The following MRPS27 variants were observed in gnomAD, a reference collection of about 807,000 sequenced individuals.
MRPS27 encodes the protein mitochondrial ribosomal protein S27, also known as small ribosomal subunit protein mS27.
Under a neutral mutation model 48.9 loss-of-function variants are expected in MRPS27, and 43 were observed. The ratio of observed to expected loss-of-function variants is 0.88; its 90% confidence interval spans 0.69 to 1.13. The LOEUF is 1.13. MRPS27 is among the 50% of genes most tolerant of loss of function. The pLI is 0.00. For synonymous variants in MRPS27, 188 were observed against 171.9 expected (o/e 1.09, Z -0.73); for missense variants, 467 against 476.3 (o/e 0.98, Z 0.18).
chr5:72,243,995 A>G (rs923395122), intron 4 of MRPS27, among the ~76,000 whole-genome samples: 2 of 152,178 alleles, frequency 1.3e-5, no homozygotes, highest in African/African-American at 2.4e-5. Context: ...CCCTTTCCAG[A>G]TCTAGAGTTA....
At chr5:72,271,010 T>C (rs1749227618) in intron 4 of MRPS27, among the ~76,000 whole-genome samples, 1 of 152,168 alleles carries the variant, frequency 6.6e-6, no homozygotes, top group South Asian at 2.1e-4. Flanking sequence ...AGGGCATCTA[T>C]GAAAAACCTA....
At chr5:72,244,630 G>A (rs1173666473) in intron 4 of MRPS27, among the ~76,000 whole-genome samples, 1 of 152,030 alleles carries the variant, frequency 6.6e-6, no homozygotes, top group Non-Finnish European at 1.5e-5. Context: ...GCTCAGGCAT[G>A]GTGATCTATA....
chr5:72,256,855 T>C (rs1207146503), intron 4 of MRPS27, among the ~76,000 whole-genome samples: 1 of 152,222 alleles, frequency 6.6e-6, no homozygotes, highest in Non-Finnish European at 1.5e-5. Context: ...CTTTATAGCC[T>C]TATATATTGA....
chr5:72,221,026 C>T lies in MRPS27; in HGVS notation c.1128G>A (p.Glu376=), dbSNP rs754930454. ...TCEAEDIATY[E]QNLQQWHLDL... is the part of the protein sequence containing the mutation. Reference sequence around the variant, plus strand: ...CTAGATGCCACTGCTGCAGATTCTGCTCATAGGTGGCGATGTCCTCTGCTT... The same window carrying T: ...CTAGATGCCACTGCTGCAGATTCTGTTCATAGGTGGCGATGTCCTCTGCTT... The change falls in exon 11 of 11, where the codon GAG becomes GAA. Residue 376 remains glutamate, a synonymous_variant. Transcript: ENST00000261413. 6.2e-7 allele frequency: 1 copy of T among 1,614,194 alleles called. No homozygotes were observed. Among genetic ancestry groups the T allele is most frequent in the Non-Finnish European group, 8.5e-7 (1 of 1,180,032 alleles).
intron 9 of MRPS27, among the ~76,000 whole-genome samples, chr5:72,224,971 T>G (rs1747852671): frequency 6.6e-6 from 1 of 152,216 alleles, no homozygotes; most frequent in South Asian, 2.1e-4. Flanking sequence ...TTAATACCAC[T>G]AATACATCAC....
intron 2 of MRPS27, among the ~76,000 whole-genome samples, chr5:72,309,893 G>A (rs184002141): frequency 5.0e-4 from 76 of 152,306 alleles, no homozygotes; most frequent in Non-Finnish European, 1.0e-4. Flanking sequence ...ATATGTGGAA[G>A]TTGGTCTTGA....
intron 4 of MRPS27, among the ~76,000 whole-genome samples, chr5:72,267,913 T>C (rs1400685150): frequency 6.6e-6 from 1 of 152,074 alleles, no homozygotes. Context: ...TGCAGAATAC[T>C]TGGCCAAAAA....
At chr5:72,260,566 G>C (rs1748937869) in intron 4 of MRPS27, among the ~76,000 whole-genome samples, 1 of 152,190 alleles carries the variant, frequency 6.6e-6, no homozygotes, top group Admixed American at 6.6e-5. Flanking sequence ...AATGTGATCG[G>C]AAAAGGAAGA....
intron 5 of MRPS27, 79 bp from the exon 6 acceptor site, chr5:72,234,276 C>T (rs963542770): frequency 4.4e-6 from 5 of 1,145,540 alleles, no homozygotes; most frequent in Admixed American, 8.6e-5. Context: ...ATGTATTATT[C>T]AGAATAAAAC....
intron 4 of MRPS27, among the ~76,000 whole-genome samples, chr5:72,252,335 T>C (rs896071552): frequency 6.6e-6 from 1 of 152,220 alleles, no homozygotes; most frequent in African/African-American, 2.4e-5. Context: ...CTTGCTTTTT[T>C]TTTCTGAGCA....
intron 4 of MRPS27, among the ~76,000 whole-genome samples, chr5:72,284,700 C>T (rs1749624410): frequency 6.6e-6 from 1 of 152,146 alleles, no homozygotes; most frequent in Non-Finnish European, 1.5e-5. Context: ...TACATATATA[C>T]ACATAAGCAT....
intron 4 of MRPS27, among the ~76,000 whole-genome samples, chr5:72,290,705 G>A (rs1017773881): frequency 3.9e-5 from 6 of 152,192 alleles, no homozygotes; most frequent in Admixed American, 6.5e-5. Flanking sequence ...ACAAGAGGGC[G>A]TGTGGATAGG....
chr5:72,240,485 A>G (rs909202713), intron 4 of MRPS27, among the ~76,000 whole-genome samples: 16 of 152,192 alleles, frequency 1.1e-4, no homozygotes, highest in African/African-American at 3.6e-4. Context: ...CTCACTCAAG[A>G]TTATTTTAAA....
chr5:72,264,415 T>TA (rs1007397572), intron 4 of MRPS27, among the ~76,000 whole-genome samples: 6 of 151,434 alleles, frequency 4.0e-5, no homozygotes, highest in South Asian at 2.1e-4. Context: ...ATTTCATTTT[T>TA]AAAAAAAAAG....
chr5:72,264,300 T>C (rs1023490660), intron 4 of MRPS27, among the ~76,000 whole-genome samples: 1 of 152,158 alleles, frequency 6.6e-6, no homozygotes, highest in African/African-American at 2.4e-5. Flanking sequence ...AAAAATACTT[T>C]AGAAACAGAG....
intron 4 of MRPS27, among the ~76,000 whole-genome samples, chr5:72,287,460 T>G (rs186020052): frequency 6.6e-6 from 1 of 152,222 alleles, no homozygotes; most frequent in East Asian, 1.9e-4. Flanking sequence ...GCCAACATGG[T>G]GAAACCCTAT....
chr5:72,228,440 G>T, intron 7 of MRPS27, 72 bp from the exon 8 acceptor site: 2 of 989,204 alleles, frequency 2.0e-6, no homozygotes, highest in Non-Finnish European at 1.5e-6. Flanking sequence ...GACTTTCAAT[G>T]ACATGAGGAA....
At chr5:72,313,831 AACAG>A (rs1750499980) in intron 2 of MRPS27, among the ~76,000 whole-genome samples, 1 of 152,244 alleles carries the variant, frequency 6.6e-6, no homozygotes, top group African/African-American at 2.4e-5. Context: ...ATGGACAAAA[AACAG>A]AAGAAAGGAA....
At position 72,312,781 on chromosome 5, in the gene MRPS27, C is replaced by T. The variant is rs375972898; in HGVS notation, c.151+1300G>A. Among the ~76,000 whole-genome samples, 27 of 151,904 alleles carry T rather than the reference C, an allele frequency of 1.8e-4. No homozygotes were observed. In the East Asian group the frequency reaches 4.1e-3, roughly 23 times the overall value. ...GATTACAGATGCCTGCCACTGCGCC[C>T]GGCTAATTTTTGTATTTTTTAACAG... On this transcript the variant is annotated intron_variant, in intron 2 of 10. Transcript: ENST00000261413.
Sources: gnomAD v4.1 joint callset for allele counts (sites outside exome capture counted in the v4.1 genomes callset) on GRCh38, gnomAD v4.1.1 for gene constraint, MANE v1.5 for transcripts, NCBI Gene and HGNC (gene_info 2026-07-23, HGNC 2026-07-21) for gene names.